Variants in CCDC6 observed in about 807,000 individuals in gnomAD.
CCDC6 encodes coiled-coil domain-containing protein 6.
CCDC6 carries 20 observed loss-of-function variants against 56.6 expected under a neutral mutation model. The ratio of observed to expected loss-of-function variants is 0.35; its 90% CI spans 0.25 to 0.51. The LOEUF is 0.51. Among genes scored for constraint, CCDC6 ranks in the 20% least tolerant of loss-of-function variants. The probability of loss-of-function intolerance (pLI) is 0.95; values close to 1 mark genes in which losing one functional copy is unlikely to be tolerated. For synonymous variants in CCDC6, 241 were observed against 234.4 expected (o/e 1.03, Z -0.26); for missense variants, 367 against 601.1 (o/e 0.61, Z 4.07).
chr10:59,880,639 A>T (rs1031039995), intron 1 of CCDC6, among the ~76,000 whole-genome samples: 1 of 152,204 alleles, frequency 6.6e-6, no homozygotes, highest in Non-Finnish European at 1.5e-5. Context: ...TATGTGTATA[A>T]GTTATACTCC....
At chr10:59,836,006 A>C (rs1195341477) in intron 2 of CCDC6, among the ~76,000 whole-genome samples, 1 of 142,420 alleles carries the variant, frequency 7.0e-6, no homozygotes, top group African/African-American at 2.6e-5. Flanking sequence ...AGTGAGCATG[A>C]GTGCACCCCT....
At chr10:59,850,276 C>T (rs1265377560) in intron 2 of CCDC6, among the ~76,000 whole-genome samples, 3 of 152,112 alleles carry the variant, frequency 2.0e-5, no homozygotes, top group Admixed American at 6.5e-5. Context: ...GACGGCTGCA[C>T]AACAAGCTGA....
intron 1 of CCDC6, among the ~76,000 whole-genome samples, chr10:59,874,511 C>T (rs2071261364): frequency 1.3e-5 from 2 of 152,144 alleles, no homozygotes; most frequent in Admixed American, 6.5e-5. Context: ...TCCTATTCTG[C>T]CAGTGAAGGC....
intron 1 of CCDC6, among the ~76,000 whole-genome samples, chr10:59,902,416 T>A (rs1184955): frequency 2.2e-5 from 3 of 135,712 alleles, no homozygotes; most frequent in Non-Finnish European, 3.0e-5. Context: ...TTTTTTGAGA[T>A]GAAGTCTGGC....
intron 2 of CCDC6, 85 bp from the exon 3 acceptor site, chr10:59,832,738 G>A: frequency 7.0e-7 from 1 of 1,429,310 alleles, no homozygotes; most frequent in Non-Finnish European, 9.6e-7. Context: ...ACTATACAAA[G>A]AAGCTATACC....
In CCDC6 at chr10:59,801,295, A is replaced by C. The variant is rs115644395; in HGVS notation, c.1105+3125T>G. On this transcript the variant is annotated intron_variant, in intron 7 of 8. Coordinates refer to ENST00000263102, the MANE Select transcript of CCDC6 (RefSeq NM_005436.5). ...CATCTTCCTTGTTAAAATTCAAACAATTTGGAAACAATATCCTCTTTAACT... is the reference window on the plus strand; with the variant it reads ...CATCTTCCTTGTTAAAATTCAAACACTTTGGAAACAATATCCTCTTTAACT... 2.7e-3 allele frequency among the ~76,000 whole-genome samples: 417 copies of C among 152,342 alleles called. 3 individuals are homozygous for C. The highest frequency in any genetic ancestry group is 9.7e-3 in the African/African-American group (403 of 41,590).
At chr10:59,830,688 A>G (rs566907985) in intron 3 of CCDC6, among the ~76,000 whole-genome samples, 2 of 152,320 alleles carry the variant, frequency 1.3e-5, no homozygotes, top group South Asian at 4.1e-4. Context: ...TACGCTTCAG[A>G]CTTCATTTTA....
At position 59,843,052 on chromosome 10, in the gene CCDC6, C is replaced by T. The variant is rs960010572; in HGVS notation, c.453+9501G>A. Among the ~76,000 whole-genome samples the T allele has an allele frequency of 3.3e-5, 5 of 151,150 alleles. 1 individual carries two copies. The South Asian group carries it at 6.3e-4, about 19-fold the overall frequency. Reference sequence around the variant, plus strand: ...ACAAGCGTGAGCCACCACACCCGGCCTTTTTTTGTATTTTTAGTAGAGATG... The same window carrying T: ...ACAAGCGTGAGCCACCACACCCGGCTTTTTTTTGTATTTTTAGTAGAGATG... On this transcript the variant is annotated intron_variant, in intron 2 of 8. Transcript: ENST00000263102.
intron 3 of CCDC6, among the ~76,000 whole-genome samples, chr10:59,831,945 C>G (rs2070838559): frequency 6.6e-6 from 1 of 152,180 alleles, no homozygotes; most frequent in African/African-American, 2.4e-5. Context: ...TTTAGTCTGT[C>G]CTGCTCTGTT....
chr10:59,818,412 C>T (rs2070724220), intron 3 of CCDC6, among the ~76,000 whole-genome samples: 1 of 149,574 alleles, frequency 6.7e-6, no homozygotes, highest in Non-Finnish European at 1.5e-5. Flanking sequence ...ATGCAGGCAA[C>T]ACAGGAAGCC....
At chr10:59,794,739 G>T (rs2070498676) in intron 7 of CCDC6, 142 bp from the exon 8 acceptor site, 2 of 659,282 alleles carry the variant, frequency 3.0e-6, no homozygotes, top group Non-Finnish European at 5.2e-6. Context: ...CTCACTAAAT[G>T]GTGTGGATAA....
At chr10:59,850,739 A>T (rs80223268) in intron 2 of CCDC6, among the ~76,000 whole-genome samples, 6,547 of 152,242 alleles carry the variant, frequency 0.043, 214 homozygotes, top group African/African-American at 0.079. Flanking sequence ...TTTAGATATA[A>T]GAATTATGAA....
chr10:59,814,857 G>A (rs1467560770), intron 3 of CCDC6, 102 bp from the exon 4 acceptor site: 7 of 725,126 alleles, frequency 9.7e-6, no homozygotes, highest in African/African-American at 3.5e-5. Flanking sequence ...GGAGAATACT[G>A]CAAACATGTG....
intron 1 of CCDC6, among the ~76,000 whole-genome samples, chr10:59,880,153 A>AT (rs1246801304): frequency 1.3e-5 from 2 of 152,198 alleles, no homozygotes; most frequent in Admixed American, 1.3e-4. Flanking sequence ...AGAATCCTCT[A>AT]TACCAAGAAC....
chr10:59,800,306 C>A (rs141049954), intron 7 of CCDC6, among the ~76,000 whole-genome samples: 2 of 152,320 alleles, frequency 1.3e-5, no homozygotes, highest in East Asian at 3.9e-4. Context: ...CTCAACCATC[C>A]TTATCCTTCT....
chr10:59,867,389 T>C (rs1314468213), intron 1 of CCDC6, among the ~76,000 whole-genome samples: 1 of 152,152 alleles, frequency 6.6e-6, no homozygotes, highest in Non-Finnish European at 1.5e-5. Context: ...CAACCAGCAT[T>C]AACATCAACA....
intron 1 of CCDC6, among the ~76,000 whole-genome samples, chr10:59,872,365 T>A (rs2071237084): frequency 6.6e-6 from 1 of 152,220 alleles, no homozygotes; most frequent in African/African-American, 2.4e-5. Context: ...ATACGGAGAC[T>A]TAAGCAAACA....
chr10:59,906,297 C>A lies in CCDC6; in HGVS notation c.128G>T (p.Gly43Val). 6.2e-7 allele frequency: 1 copy of A among 1,603,954 alleles called. No individual in the cohort carries two copies. The highest frequency in any genetic ancestry group is 1.1e-5 in the South Asian group (1 of 90,998). The change falls in exon 1 of 9, where the codon GGT becomes GTT. Residue 43 changes from glycine (G) to valine (V), a missense_variant. Coordinates refer to ENST00000263102, the MANE Select transcript of CCDC6 (RefSeq NM_005436.5). ...GGGGGGGGGG[G>V]GKSGGIVISP... is the part of the protein sequence containing the mutation. The stretch of plus-strand genomic sequence containing the variant: ...GATGACAATGCCCCCCGACTTCCCA[C>A]CGCCGCCGCCTCCCCCGCCGCCACC...
intron 1 of CCDC6, among the ~76,000 whole-genome samples, chr10:59,903,322 TGACTATAACAAATG>T: frequency 6.6e-6 from 1 of 152,322 alleles, no homozygotes; most frequent in South Asian, 2.1e-4. Context: ...GTAGGTTCAC[TGACTATAACAAATG>T]GACCACTATG....
Sources: gnomAD v4.1 joint callset for allele counts (sites outside exome capture counted in the v4.1 genomes callset) on GRCh38, gnomAD v4.1.1 for gene constraint, MANE v1.5 for transcripts, NCBI Gene and HGNC (gene_info 2026-07-23, HGNC 2026-07-21) for gene names.